Variants in ZNF461 observed in about 807,000 individuals in gnomAD.
The protein encoded by ZNF461 is zinc finger protein 461.
ZNF461 carries 16 observed loss-of-function variants against 18.3 expected under a neutral mutation model. The observed-to-expected ratio is 0.88, with a 90% CI of 0.59 to 1.33. The LOEUF (loss-of-function observed/expected upper bound fraction) is 1.33. Ranked by LOEUF, ZNF461 falls within the 40% of genes most tolerant of loss-of-function variation. ZNF461 has a pLI of 0.00. For missense variants in ZNF461, 595 were observed against 669.9 expected, an observed-to-expected ratio of 0.89 and a Z score of 1.23; for synonymous variants, 179 against 216.9, an observed-to-expected ratio of 0.83 and a Z score of 1.54.
At position 36,648,463 on chromosome 19, in the gene ZNF461, G is replaced by C. The variant is rs542607041; in HGVS notation, c.233-4601C>G. Among the ~76,000 whole-genome samples the C allele has an allele frequency of 1.4e-3, 213 of 151,170 alleles. 1 individual carries two copies. The highest frequency in any genetic ancestry group is 4.9e-3 in the African/African-American group (203 of 41,192). On this transcript the variant is annotated intron_variant, in intron 4 of 5. Transcript: ENST00000588268. The stretch of plus-strand genomic sequence containing the variant: ...ACATTCTCACCAATAGTGCACAAAG[G>C]TTCAAATTTCTCCACATTCCTGGCA...
intron 2 of ZNF461, among the ~76,000 whole-genome samples, chr19:36,660,796 T>C (rs1210058349): frequency 6.6e-6 from 1 of 151,490 alleles, no homozygotes; most frequent in Non-Finnish European, 1.5e-5. Context: ...GGAAAAAAAT[T>C]GATACTAGAT....
chr19:36,639,878 C>A lies in ZNF461; in HGVS notation c.467G>T (p.Gly156Val). 6.2e-7 allele frequency: 1 copy of A among 1,613,838 alleles called. No individual in the cohort carries two copies. The highest frequency in any genetic ancestry group is 1.1e-5 in the South Asian group (1 of 91,078). ...EGNCHFEQHQGQEEGYFRQLM... is the reference protein window; with the variant it reads ...EGNCHFEQHQVQEEGYFRQLM... ...TTGTCTAAAATAACCCTCCTCTTGT[C>A]CCTGATGTTGCTCAAAATGACAGTT... The change falls in exon 6 of 6, where the codon GGA (glycine) becomes GTA (valine). Residue 156 changes from glycine (G) to valine (V), a missense_variant. By Grantham distance (109) the Gly-to-Val change is moderately radical. Transcript: ENST00000588268.
chr19:36,663,809 C>T (rs574363277), intron 2 of ZNF461, among the ~76,000 whole-genome samples: 1 of 152,132 alleles, frequency 6.6e-6, no homozygotes, highest in South Asian at 2.1e-4. Flanking sequence ...GAATTACTGG[C>T]GTGAGTCACC....
intron 2 of ZNF461, among the ~76,000 whole-genome samples, chr19:36,661,481 G>C (rs184657677): frequency 0.01 from 1,525 of 151,098 alleles, 33 homozygotes; most frequent in African/African-American, 0.035. Context: ...AGGAAAACAG[G>C]AAAAAAAATT....
chr19:36,639,191 T>C lies in ZNF461; in HGVS notation c.1154A>G (p.Tyr385Cys). 1 of 1,614,140 alleles carries C rather than the reference T, an allele frequency of 6.2e-7. No individual in the cohort carries two copies. Among genetic ancestry groups the C allele is most frequent in the South Asian group, 1.1e-5 (1 of 91,074 alleles). ...HQRIHTGEKP[Y>C]ECRECGKAFS... ...GGCCTTCCCACATTCCCGACATTCA[T>C]AGGGTTTCTCACCAGTATGAATTCT... Residue 385 changes from tyrosine to cysteine, a missense_variant, in exon 6 of 6, where the codon TAT becomes TGT. Transcript: ENST00000588268.
chr19:36,664,593 C>CA (rs560561888), intron 2 of ZNF461, 105 bp downstream of exon 2: 105,444 of 641,872 alleles, frequency 0.16, 971 homozygotes, highest in Non-Finnish European at 0.18. Context: ...GGCTATGTCT[C>CA]AAAAAAAAAA....
At chr19:36,647,180 A>C (rs1303613699) in intron 4 of ZNF461, among the ~76,000 whole-genome samples, 2 of 152,214 alleles carry the variant, frequency 1.3e-5, no homozygotes. Context: ...AGGTATGCAC[A>C]TCAGAGTGAA....
intron 4 of ZNF461, among the ~76,000 whole-genome samples, chr19:36,644,763 T>G (rs1317553237): frequency 6.7e-6 from 1 of 149,288 alleles, no homozygotes; most frequent in South Asian, 2.1e-4. Context: ...TCGGCTAATT[T>G]TTTTTGTATT....
chr19:36,664,908 C>A (rs1161534571), intron 1 of ZNF461, 122 bp from the exon 2 acceptor site: 9 of 391,672 alleles, frequency 2.3e-5, no homozygotes, highest in Middle Eastern at 5.6e-4. Flanking sequence ...CTGATACATA[C>A]ATACATAAAT....
chr19:36,640,729 C>T (rs1443692977), intron 5 of ZNF461, among the ~76,000 whole-genome samples: 2 of 152,246 alleles, frequency 1.3e-5, no homozygotes, highest in Admixed American at 6.5e-5. Context: ...GAGTAGATAC[C>T]TTTCTAGCTT....
intron 4 of ZNF461, among the ~76,000 whole-genome samples, chr19:36,648,540 A>AT (rs1352614738): frequency 6.6e-6 from 1 of 151,458 alleles, no homozygotes; most frequent in African/African-American, 2.4e-5. Context: ...GTGTGAGGTG[A>AT]TATCTCATTG....
At chr19:36,648,713 G>A (rs143447190) in intron 4 of ZNF461, among the ~76,000 whole-genome samples, 6 of 152,234 alleles carry the variant, frequency 3.9e-5, no homozygotes, top group African/African-American at 1.4e-4. Context: ...CCAAGTACCT[G>A]GGACTACAGG....
rs1271093563 is a variant in ZNF461 at position 36,656,454 on chromosome 19, A to G, written c.226T>C (p.Cys76Arg). 6.2e-7 allele frequency: 1 copy of G among 1,613,942 alleles called. No individual in the cohort carries two copies. Among genetic ancestry groups the G allele is most frequent in the East Asian group, 2.2e-5 (1 of 44,878 alleles). The change falls in exon 4 of 6, where the codon TGC becomes CGC. Residue 76 changes from cysteine (C) to arginine (R), a missense_variant. Coordinates refer to ENST00000588268, the MANE Select transcript of ZNF461 (RefSeq NM_153257.5). ...CCTGTGCTTGCTCACTCACCTGGGC[A>G]CCATCTTCCTGTCTCTTCCCTCACA... ...MVVREETGRWCPGTWKTWGFH... is the reference protein window; with the variant it reads ...MVVREETGRWRPGTWKTWGFH...
intron 4 of ZNF461, among the ~76,000 whole-genome samples, chr19:36,646,186 A>C (rs1248890154): frequency 6.6e-6 from 1 of 151,360 alleles, no homozygotes; most frequent in African/African-American, 2.4e-5. Context: ...GCTGGAGTGC[A>C]ATGGTGTGAT....
rs546274441 is a variant in ZNF461, at chr19:36,662,951, A to G, written c.9+1747T>C. Among the ~76,000 whole-genome samples the G allele has an allele frequency of 5.3e-5, 8 of 152,250 alleles. No homozygotes were observed. The East Asian group carries it at 1.2e-3, about 22-fold the overall frequency. Reference sequence around the variant, plus strand: ...TCTATTTCCTTATTAAATTTTGTCTACTTGGCCTGGTTTGGACTGAGAAGA... The same window carrying G: ...TCTATTTCCTTATTAAATTTTGTCTGCTTGGCCTGGTTTGGACTGAGAAGA... On this transcript the variant is annotated intron_variant, in intron 2 of 5. Coordinates refer to ENST00000588268, the MANE Select transcript of ZNF461 (RefSeq NM_153257.5).
intron 5 of ZNF461, among the ~76,000 whole-genome samples, chr19:36,641,489 A>G (rs1167010665): frequency 2.0e-5 from 3 of 151,486 alleles, no homozygotes; most frequent in Non-Finnish European, 2.9e-5. Flanking sequence ...CTGCACTCCA[A>G]CCTGGGCAAC....
At chr19:36,656,228 G>A (rs1181774937) in intron 4 of ZNF461, among the ~76,000 whole-genome samples, 2 of 151,956 alleles carry the variant, frequency 1.3e-5, no homozygotes, top group Non-Finnish European at 2.9e-5. Context: ...CTCGTGATCT[G>A]CCCGCCTCGG....
At chr19:36,648,871 G>A (rs764215502) in intron 4 of ZNF461, among the ~76,000 whole-genome samples, 10 of 152,046 alleles carry the variant, frequency 6.6e-5, no homozygotes, top group South Asian at 2.1e-4. Context: ...ATGAGCCACC[G>A]TGCCCAGCCT....
At position 36,639,569 on chromosome 19, in the gene ZNF461, G is replaced by A; in HGVS notation, c.776C>T (p.Ser259Leu). The A allele has an allele frequency of 6.2e-7, 1 of 1,612,930 alleles. No homozygotes were observed. Among genetic ancestry groups the A allele is most frequent in the Non-Finnish European group, 8.5e-7 (1 of 1,179,242 alleles). The change falls in exon 6 of 6, where the codon TCA becomes TTA. Residue 259 changes from serine to leucine, a missense_variant. Ser to Leu is a moderately radical substitution (Grantham distance 145). Coordinates refer to ENST00000588268, the MANE Select transcript of ZNF461 (RefSeq NM_153257.5). ...ATGAATTCTTAGATGTTTAAGTTGTGAGCAATGAACAAAGGCCTTCCAACA... is the reference window on the plus strand; with the variant it reads ...ATGAATTCTTAGATGTTTAAGTTGTAAGCAATGAACAAAGGCCTTCCAACA... ...KECWKAFVHCSQLKHLRIHNG... is the reference protein window; with the variant it reads ...KECWKAFVHCLQLKHLRIHNG...
Sources: allele counts gnomAD v4.1 joint callset (sites outside exome capture counted in the v4.1 genomes callset), GRCh38; gene constraint gnomAD v4.1.1; transcripts MANE v1.5; gene names NCBI Gene and HGNC (gene_info 2026-07-23, HGNC 2026-07-21).